GLYR1: variants seen among roughly 807,000 people sequenced by gnomAD.
GLYR1 encodes glyoxylate reductase 1 homolog, also known as cytokine-like nuclear factor N-PAC.
Under a neutral mutation model 72.7 loss-of-function variants are expected in GLYR1, and 21 were observed. The ratio of observed to expected loss-of-function variants is 0.29; its 90% CI spans 0.20 to 0.42. The LOEUF is 0.42. Ranked by LOEUF, GLYR1 falls within the 10% of genes least tolerant of loss-of-function variation. GLYR1 has a pLI of 1.00. For missense variants in GLYR1, 594 were observed against 712.1 expected, an observed-to-expected ratio of 0.83 and a Z score of 1.89; for synonymous variants, 392 against 270.2, an observed-to-expected ratio of 1.45 and a Z score of -4.42.
Position 4,844,415 on chromosome 16 carries a change from A to G in GLYR1, c.155+659T>C, listed in dbSNP as rs17137315. 5.9e-3 allele frequency among the ~76,000 whole-genome samples: 896 copies of G among 152,364 alleles called. 10 individuals are homozygous for G. Among genetic ancestry groups the G allele is most frequent in the African/African-American group, 0.02 (849 of 41,590 alleles). On this transcript the variant is annotated intron_variant, in intron 3 of 15. Transcript: ENST00000321919. ...TAACATAAATAAAAGTTTCCACTGT[A>G]TACCCCAAGCATGAACCATAATGAT...
chr16:4,834,654 C>T (rs1313649480), intron 3 of GLYR1, among the ~76,000 whole-genome samples: 3 of 152,058 alleles, frequency 2.0e-5, no homozygotes, highest in East Asian at 1.9e-4. Flanking sequence ...CTAGTAGAGA[C>T]GGGGTTTCCC....
chr16:4,811,366 T>C, intron 14 of GLYR1, 72 bp from the exon 15 acceptor site: 1 of 1,587,012 alleles, frequency 6.3e-7, no homozygotes, highest in Non-Finnish European at 8.6e-7. Context: ...GTCCACCAGG[T>C]GTCAGTACCT....
At chr16:4,837,436 A>T (rs1292590540) in intron 3 of GLYR1, among the ~76,000 whole-genome samples, 1 of 152,064 alleles carries the variant, frequency 6.6e-6, no homozygotes, top group Admixed American at 6.6e-5. Context: ...GTCTTTAAAA[A>T]AAAAAAAAGA....
In GLYR1 at chr16:4,805,440, C is replaced by T. The variant is rs1218135076; in HGVS notation, c.1588-130G>A. ...AGCCCAGGCTGTCCGGTTAGGAATC[C>T]TGTGTTGACCTTGCATGAAGCACCT... is the stretch of plus-strand genomic sequence containing the variant. On this transcript the variant is annotated intron_variant, in intron 15 of 15. Coordinates refer to ENST00000321919, the MANE Select transcript of GLYR1 (RefSeq NM_032569.4). The T allele has an allele frequency of 5.4e-6, 4 of 737,572 alleles. No homozygotes were observed. In the East Asian group the frequency reaches 1.1e-4, roughly 19 times the overall value. 45.7% of individuals were successfully genotyped at this position (737,572 alleles called of 1,614,324 possible).
intron 5 of GLYR1, among the ~76,000 whole-genome samples, chr16:4,825,273 C>T (rs56171552): frequency 9.9e-5 from 15 of 152,270 alleles, no homozygotes; most frequent in Admixed American, 3.3e-4. Context: ...ACCCATCCCA[C>T]GCCAATCTCC....
At chr16:4,841,457 C>CAAAAAAAAAAAAAAAAAA (rs1160441336) in intron 3 of GLYR1, among the ~76,000 whole-genome samples, 1 of 31,948 alleles carries the variant, frequency 3.1e-5, no homozygotes. Flanking sequence ...CTTGTCTCTA[C>CAAAAAAAAAAAAAAAAAA]AAAAAAAAAA....
At chr16:4,809,591 G>T (rs1382846410) in intron 15 of GLYR1, among the ~76,000 whole-genome samples, 1 of 143,690 alleles carries the variant, frequency 7.0e-6, no homozygotes, top group Non-Finnish European at 1.5e-5. Context: ...CAGCTTGGGT[G>T]ACAGAGCGAA....
At chr16:4,834,077 T>C (rs1330196667) in intron 3 of GLYR1, among the ~76,000 whole-genome samples, 1 of 152,132 alleles carries the variant, frequency 6.6e-6, no homozygotes, top group African/African-American at 2.4e-5. Flanking sequence ...ATAAAAATAA[T>C]GTTACTAACC....
At chr16:4,834,580 C>T (rs1567779105) in intron 3 of GLYR1, among the ~76,000 whole-genome samples, 1 of 152,088 alleles carries the variant, frequency 6.6e-6, no homozygotes, top group African/African-American at 2.4e-5. Context: ...GCAATTCTGC[C>T]TCTATCTCCC....
chr16:4,833,062 C>T, intron 3 of GLYR1, 150 bp from the exon 4 acceptor site: 1 of 610,838 alleles, frequency 1.6e-6, no homozygotes, highest in South Asian at 3.1e-5. Flanking sequence ...ATGCTATCAA[C>T]CATCTCAGAG....
intron 3 of GLYR1, among the ~76,000 whole-genome samples, chr16:4,834,508 G>T (rs557496107): frequency 6.6e-6 from 1 of 151,646 alleles, no homozygotes; most frequent in Admixed American, 6.6e-5. Flanking sequence ...TGTCACCTAG[G>T]ATGAAGTGCA....
chr16:4,807,641 G>A (rs1300954906), intron 15 of GLYR1, among the ~76,000 whole-genome samples: 2 of 152,202 alleles, frequency 1.3e-5, no homozygotes, highest in Non-Finnish European at 2.9e-5. Context: ...GCTGCATTGA[G>A]AAATTAACCT....
chr16:4,823,850 C>A lies in GLYR1; in HGVS notation c.595G>T (p.Ala199Ser), dbSNP rs1372957638. ...CTTGCGGTTGGCTGCCATTTAAACG[C>A]GGCCATCGGTCCGGCCATCATCCCC... ...VKGMMAGPMA[A>S]FKWQPTASEP... is the part of the protein sequence containing the mutation. Residue 199 changes from alanine to serine, a missense_variant, in exon 6 of 16, where the codon GCG (alanine) becomes TCG (serine). Around this residue, in one of 5 missense-constraint regions of GLYR1, gnomAD observed 252 missense variants for 211.3 expected, o/e 1.19. Coordinates refer to ENST00000321919, the MANE Select transcript of GLYR1 (RefSeq NM_032569.4). 1 of 1,614,022 alleles carries A rather than the reference C, an allele frequency of 6.2e-7. No homozygotes were observed. Among genetic ancestry groups the A allele is most frequent in the Admixed American group, 1.7e-5 (1 of 60,002 alleles).
At chr16:4,837,939 AT>A (rs553457336) in intron 3 of GLYR1, among the ~76,000 whole-genome samples, 6 of 113,560 alleles carry the variant, frequency 5.3e-5, no homozygotes, top group Non-Finnish European at 9.1e-5. Context: ...CAAAAAATAA[AT>A]AAATAAATAA....
intron 5 of GLYR1, among the ~76,000 whole-genome samples, chr16:4,827,854 T>C (rs925289821): frequency 3.3e-5 from 5 of 151,626 alleles, no homozygotes; most frequent in Non-Finnish European, 5.9e-5. Flanking sequence ...GAGCCGAGAT[T>C]GCGCCACTGC....
chr16:4,846,237 T>G (rs1034825285), intron 1 of GLYR1, 27 bp from the exon 2 acceptor site: 1 of 1,613,392 alleles, frequency 6.2e-7, no homozygotes, highest in East Asian at 2.2e-5. Flanking sequence ...GAGTCAACAC[T>G]TGCCCTGCAA....
chr16:4,831,195 G>C (rs919250740), intron 5 of GLYR1, among the ~76,000 whole-genome samples: 1 of 152,056 alleles, frequency 6.6e-6, no homozygotes, highest in Non-Finnish European at 1.5e-5. Flanking sequence ...TTCCTCTGAA[G>C]TGCCTCTCAC....
chr16:4,810,756 G>A (rs1279580023), intron 15 of GLYR1, among the ~76,000 whole-genome samples: 1 of 138,434 alleles, frequency 7.2e-6, no homozygotes, highest in African/African-American at 2.8e-5. Context: ...GGTGGCAAGA[G>A]CCTGAGGCGA....
chr16:4,823,366 C>A (rs1018578600), intron 6 of GLYR1, among the ~76,000 whole-genome samples: 1 of 152,184 alleles, frequency 6.6e-6, no homozygotes, highest in African/African-American at 2.4e-5. Context: ...TTAACAGAAA[C>A]AGAGTAGCCA....
Sources: gnomAD v4.1 joint callset for allele counts (sites outside exome capture counted in the v4.1 genomes callset) on GRCh38, gnomAD v4.1.1 for gene constraint, gnomAD v4.1.1 regional missense constraint, MANE v1.5 for transcripts, NCBI Gene and HGNC (gene_info 2026-07-23, HGNC 2026-07-21) for gene names.